The following NCKAP5 variants were observed in gnomAD, a reference collection of about 807,000 sequenced individuals.
NCKAP5 encodes NCK associated protein 5.
A neutral mutation model predicts 167.0 loss-of-function variants in NCKAP5; 92 were observed. That is an observed-to-expected ratio of 0.55 (90% CI 0.47 to 0.66). The LOEUF (loss-of-function observed/expected upper bound fraction) is 0.66, where lower values mean the gene tolerates loss of function less well. NCKAP5 is among the 30% of genes least tolerant of loss of function. NCKAP5 has a pLI of 0.00. For synonymous variants in NCKAP5, 891 were observed against 877.4 expected, an observed-to-expected ratio of 1.02 and a Z score of -0.27; for missense variants, 2,378 against 2,315.0, an observed-to-expected ratio of 1.03 and a Z score of -0.56.
At chr2:133,488,938 T>A (rs6718180) in intron 3 of NCKAP5, among the ~76,000 whole-genome samples, 3,024 of 151,878 alleles carry the variant, frequency 0.02, 122 homozygotes, top group African/African-American at 0.068. Flanking sequence ...AAATTTAAAA[T>A]AATTGCTGGG....
Position 133,513,496 on chromosome 2 carries a change from A to G in NCKAP5, c.69+3962T>C, listed in dbSNP as rs1683675779. Among the ~76,000 whole-genome samples the G allele has an allele frequency of 2.6e-5, 4 of 152,242 alleles. No individual in the cohort carries two copies. In the South Asian group the frequency reaches 8.3e-4, roughly 31 times the overall value. The stretch of plus-strand genomic sequence containing the variant: ...GGGATGATTGGCCAGGTAGAGAAGG[A>G]AAAAGAGTGGATCTGGAGGGAAAAT... On this transcript the variant is annotated intron_variant, in intron 3 of 19. Coordinates refer to ENST00000409261, the MANE Select transcript of NCKAP5 (RefSeq NM_207363.3).
intron 11 of NCKAP5, among the ~76,000 whole-genome samples, chr2:132,809,461 A>G (rs770519462): frequency 3.9e-5 from 6 of 152,090 alleles, no homozygotes; most frequent in Non-Finnish European, 7.4e-5. Context: ...AGGGTTATGC[A>G]TATATTTTTA....
At chr2:133,228,228 G>T (rs148090485) in intron 4 of NCKAP5, among the ~76,000 whole-genome samples, 1 of 152,140 alleles carries the variant, frequency 6.6e-6, no homozygotes, top group South Asian at 2.1e-4. Flanking sequence ...TACCACATGG[G>T]TCGAAAATTT....
At chr2:132,988,973 A>G (rs547591114) in intron 7 of NCKAP5, among the ~76,000 whole-genome samples, 29 of 152,342 alleles carry the variant, frequency 1.9e-4, no homozygotes, top group African/African-American at 6.5e-4. Context: ...CTGTATCCAT[A>G]GTTGGGTCCT....
intron 3 of NCKAP5, among the ~76,000 whole-genome samples, chr2:133,333,450 C>CACG (rs1195245952): frequency 6.6e-6 from 1 of 152,054 alleles, no homozygotes; most frequent in East Asian, 1.9e-4. Context: ...TGCTTTCTTC[C>CACG]ACGACGAGGA....
intron 5 of NCKAP5, among the ~76,000 whole-genome samples, chr2:133,205,300 T>C (rs1574373924): frequency 1.3e-5 from 2 of 151,500 alleles, no homozygotes; most frequent in Non-Finnish European, 2.9e-5. Flanking sequence ...ATTAGATAGA[T>C]AGATAGATAG....
At chr2:133,070,436 A>G (rs1333500386) in intron 6 of NCKAP5, among the ~76,000 whole-genome samples, 1 of 152,054 alleles carries the variant, frequency 6.6e-6, no homozygotes, top group Non-Finnish European at 1.5e-5. Context: ...CTGTGTGTCA[A>G]TCTCTCTGTA....
chr2:132,949,682 T>TAAAGTA (rs2076125401), intron 8 of NCKAP5, among the ~76,000 whole-genome samples: 1 of 152,090 alleles, frequency 6.6e-6, no homozygotes, highest in Admixed American at 6.6e-5. Context: ...CATACCTACA[T>TAAAGTA]AAAGTAAAAG....
At chr2:133,165,052 T>A (rs1467062699) in intron 5 of NCKAP5, among the ~76,000 whole-genome samples, 2 of 149,064 alleles carry the variant, frequency 1.3e-5, no homozygotes, top group African/African-American at 2.5e-5. Context: ...TTTGGCCATG[T>A]CTTGAAACTT....
chr2:132,828,385 A>C (rs1687282977), intron 11 of NCKAP5, among the ~76,000 whole-genome samples: 1 of 152,104 alleles, frequency 6.6e-6, no homozygotes, highest in Admixed American at 6.6e-5. Context: ...TGTTCTCATG[A>C]TAGTGAGTAG....
intron 7 of NCKAP5, among the ~76,000 whole-genome samples, chr2:132,986,458 T>C (rs555517266): frequency 6.6e-6 from 1 of 152,254 alleles, no homozygotes; most frequent in South Asian, 2.1e-4. Context: ...GAGATGCCCA[T>C]ACAGCAGATT....
chr2:132,972,420 T>C (rs2076861540), intron 7 of NCKAP5, among the ~76,000 whole-genome samples: 1 of 152,164 alleles, frequency 6.6e-6, no homozygotes, highest in Non-Finnish European at 1.5e-5. Flanking sequence ...ACAACTCTCT[T>C]GCTTAGAAAG....
intron 6 of NCKAP5, among the ~76,000 whole-genome samples, chr2:133,100,652 T>C (rs1485274140): frequency 6.6e-6 from 1 of 152,184 alleles, no homozygotes. Context: ...AAGAAGTATC[T>C]CATTTAAACT....
At chr2:133,153,833 CTT>C (rs570596198) in intron 5 of NCKAP5, among the ~76,000 whole-genome samples, 8 of 109,742 alleles carry the variant, frequency 7.3e-5, no homozygotes, top group Admixed American at 1.0e-4. Flanking sequence ...GTTCCTCCTT[CTT>C]TTTTTTTTTT....
intron 12 of NCKAP5, among the ~76,000 whole-genome samples, chr2:132,790,452 A>C (rs1683974255): frequency 6.6e-6 from 1 of 152,178 alleles, no homozygotes; most frequent in African/African-American, 2.4e-5. Flanking sequence ...CATCTAACAC[A>C]AAGCCTATTT....
intron 11 of NCKAP5, among the ~76,000 whole-genome samples, chr2:132,807,790 C>T (rs1442905282): frequency 6.6e-6 from 1 of 152,018 alleles, no homozygotes; most frequent in East Asian, 1.9e-4. Context: ...ATTTCCAGTA[C>T]TATGCTGAAG....
In NCKAP5 at chr2:132,898,833, A is replaced by G. The variant is rs373162891; in HGVS notation, c.580-19917T>C. The stretch of plus-strand genomic sequence containing the variant: ...TGTAAACACATATGTTGTCACCCAG[A>G]CTTGGTTGTACCATTTACAGAGGAC... On this transcript the variant is annotated intron_variant, in intron 8 of 19. Transcript: ENST00000409261. Among the ~76,000 whole-genome samples, 92 of 152,324 alleles carry G rather than the reference A, an allele frequency of 6.0e-4. 2 individuals are homozygous for G. In the South Asian group the frequency reaches 0.017, roughly 28 times the overall value.
At chr2:133,602,985 A>G in the NCKAP5 span, among the ~76,000 whole-genome samples, 1 of 152,198 alleles carries the variant, frequency 6.6e-6, no homozygotes, top group Non-Finnish European at 1.5e-5. Context: ...GGTGTAAGCT[A>G]TGGAAGCAGA....
At chr2:133,263,724 A>G (rs113997730) in intron 4 of NCKAP5, among the ~76,000 whole-genome samples, 4,128 of 152,246 alleles carry the variant, frequency 0.027, 179 homozygotes, top group African/African-American at 0.093. Context: ...ATTTTAAAAA[A>G]GAGAAACTGC....
Sources: gnomAD v4.1 joint callset for allele counts (sites outside exome capture counted in the v4.1 genomes callset) on GRCh38, gnomAD v4.1.1 for gene constraint, MANE v1.5 for transcripts, NCBI Gene and HGNC (gene_info 2026-07-23, HGNC 2026-07-21) for gene names.